The following GRID2 variants were observed in gnomAD, a reference collection of about 807,000 sequenced individuals.
GRID2 encodes glutamate receptor ionotropic, delta-2.
A neutral mutation model predicts 114.8 loss-of-function variants in GRID2; 33 were observed. The observed-to-expected ratio is 0.29, with a 90% confidence interval of 0.22 to 0.38. The LOEUF (loss-of-function observed/expected upper bound fraction) is 0.38, where lower values mean the gene tolerates loss of function less well. Ranked by LOEUF, GRID2 falls within the 10% of genes least tolerant of loss-of-function variation. The pLI, the probability that GRID2 is intolerant of heterozygous loss-of-function variation, is 1.00. For synonymous variants in GRID2, 505 were observed against 449.9 expected (o/e 1.12, Z -1.55); for missense variants, 1,184 against 1,257.7 (o/e 0.94, Z 0.89).
chr4:93,039,355 A>T (rs1481988844), intron 2 of GRID2, among the ~76,000 whole-genome samples: 1 of 152,086 alleles, frequency 6.6e-6, no homozygotes, highest in Non-Finnish European at 1.5e-5. Flanking sequence ...CATTAGGAGA[A>T]ATACCTAATG....
intron 1 of GRID2, among the ~76,000 whole-genome samples, chr4:92,343,582 A>G (rs1319927714): frequency 1.3e-5 from 2 of 152,036 alleles, no homozygotes; most frequent in Non-Finnish European, 2.9e-5. Context: ...TATATTATAT[A>G]TATATTTGGA....
intron 14 of GRID2, among the ~76,000 whole-genome samples, chr4:93,687,421 G>C (rs530403043): frequency 6.6e-6 from 1 of 152,058 alleles, no homozygotes; most frequent in East Asian, 1.9e-4. Flanking sequence ...TATAAATGTA[G>C]GAGTTGTCAG....
At chr4:92,443,000 G>A (rs1419592549) in intron 1 of GRID2, among the ~76,000 whole-genome samples, 7 of 152,158 alleles carry the variant, frequency 4.6e-5, no homozygotes, top group Non-Finnish European at 7.4e-5. Flanking sequence ...GACCTAGCTC[G>A]GCCTGGCGAG....
intron 1 of GRID2, among the ~76,000 whole-genome samples, chr4:92,349,602 T>A (rs1377216110): frequency 6.6e-6 from 1 of 151,574 alleles, no homozygotes; most frequent in African/African-American, 2.4e-5. Context: ...AATAAGCAAC[T>A]CAAATAAATA....
At chr4:92,548,381 G>T (rs1012389593) in intron 1 of GRID2, among the ~76,000 whole-genome samples, 9 of 116,498 alleles carry the variant, frequency 7.7e-5, no homozygotes, top group Non-Finnish European at 1.3e-4. Flanking sequence ...CTGCTATGAA[G>T]ACATTTCTGA....
intron 2 of GRID2, among the ~76,000 whole-genome samples, chr4:92,890,814 G>A (rs770436763): frequency 2.0e-5 from 3 of 152,190 alleles, no homozygotes; most frequent in Non-Finnish European, 2.9e-5. Context: ...ACATGCACAC[G>A]TATGTTTACT....
intron 11 of GRID2, among the ~76,000 whole-genome samples, chr4:93,483,300 G>T (rs1405717559): frequency 6.6e-6 from 1 of 151,804 alleles, no homozygotes; most frequent in Admixed American, 6.6e-5. Flanking sequence ...TAGCCATTTT[G>T]TTAGTAACCT....
At chr4:92,594,712 G>C (rs1016352477) in intron 2 of GRID2, among the ~76,000 whole-genome samples, 4 of 151,796 alleles carry the variant, frequency 2.6e-5, no homozygotes, top group African/African-American at 7.3e-5. Flanking sequence ...CAAAGTAGCT[G>C]TTCATAGGTT....
intron 1 of GRID2, among the ~76,000 whole-genome samples, chr4:92,511,906 C>G (rs576675905): frequency 1.3e-5 from 2 of 151,904 alleles, no homozygotes; most frequent in South Asian, 4.1e-4. Context: ...ACTACCATCC[C>G]TCTCTAGAGA....
At chr4:92,557,408 A>G (rs1223872700) in intron 1 of GRID2, among the ~76,000 whole-genome samples, 1 of 151,454 alleles carries the variant, frequency 6.6e-6, no homozygotes, top group Non-Finnish European at 1.5e-5. Flanking sequence ...ACAGGAAATA[A>G]GAGATATTAA....
At chr4:93,739,194 C>T (rs182531266) in intron 14 of GRID2, among the ~76,000 whole-genome samples, 47 of 152,076 alleles carry the variant, frequency 3.1e-4, no homozygotes, top group Admixed American at 1.9e-3. Context: ...TTATTTTCTA[C>T]GGTGTTTCCT....
chr4:92,330,797 A>G (rs896428348), intron 1 of GRID2, among the ~76,000 whole-genome samples: 1 of 152,078 alleles, frequency 6.6e-6, no homozygotes, highest in Non-Finnish European at 1.5e-5. Flanking sequence ...TCTTGAAACA[A>G]ATTTCTAGCT....
At chr4:93,683,792 G>A (rs1008946867) in intron 14 of GRID2, among the ~76,000 whole-genome samples, 2 of 151,932 alleles carry the variant, frequency 1.3e-5, no homozygotes, top group Non-Finnish European at 2.9e-5. Context: ...ATCTCTCTGT[G>A]TTTCAGGAGG....
chr4:93,785,052 C>T (rs1056528458), intron 1 of GRID2, among the ~76,000 whole-genome samples: 6 of 151,974 alleles, frequency 3.9e-5, no homozygotes, highest in Admixed American at 3.9e-4. Flanking sequence ...TTTTTTTAGG[C>T]AAAGAGAAAG....
At chr4:93,206,854 A>C (rs1441217273) in intron 4 of GRID2, among the ~76,000 whole-genome samples, 5 of 152,120 alleles carry the variant, frequency 3.3e-5, no homozygotes, top group Non-Finnish European at 1.5e-5. Context: ...TTTAACTTTC[A>C]GATAATTTTA....
chr4:93,519,703 TG>T (rs529692484), intron 13 of GRID2, among the ~76,000 whole-genome samples: 89 of 152,274 alleles, frequency 5.8e-4, no homozygotes, highest in Non-Finnish European at 1.1e-3. Context: ...TGGTAGGATT[TG>T]TAAGTGAATA....
chr4:93,124,820 C>CAA (rs750154764), intron 4 of GRID2, among the ~76,000 whole-genome samples: 2 of 151,966 alleles, frequency 1.3e-5, no homozygotes, highest in African/African-American at 2.4e-5. Flanking sequence ...CTTTTCCTAA[C>CAA]AAAACCCATT....
At chr4:93,181,303 A>G (rs921354228) in intron 4 of GRID2, among the ~76,000 whole-genome samples, 1 of 152,180 alleles carries the variant, frequency 6.6e-6, no homozygotes, top group Non-Finnish European at 1.5e-5. Flanking sequence ...GTGCACTTAA[A>G]TATTTAGTAA....
At chr4:93,134,833 T>C (rs939999370) in intron 4 of GRID2, among the ~76,000 whole-genome samples, 2 of 152,148 alleles carry the variant, frequency 1.3e-5, no homozygotes, top group Admixed American at 1.3e-4. Flanking sequence ...GAAGCAATAC[T>C]GGGTTATTGC....
Sources: allele counts gnomAD v4.1 joint callset (sites outside exome capture counted in the v4.1 genomes callset), GRCh38; gene constraint gnomAD v4.1.1; transcripts MANE v1.5; gene names NCBI Gene and HGNC (gene_info 2026-07-23, HGNC 2026-07-21).